The following LRRC4C variants were observed in gnomAD, a reference collection of about 807,000 sequenced individuals.
LRRC4C encodes leucine rich repeat containing 4C.
A neutral mutation model predicts 33.6 loss-of-function variants in LRRC4C; 5 were observed. The ratio of observed to expected loss-of-function variants is 0.15; its 90% CI spans 0.08 to 0.31. LRRC4C has a LOEUF of 0.31. Among genes scored for constraint, LRRC4C ranks in the 10% least tolerant of loss-of-function variants. LRRC4C has a pLI of 1.00. For synonymous variants in LRRC4C, 329 were observed against 302.0 expected (o/e 1.09, Z -0.93); for missense variants, 560 against 796.7 (o/e 0.70, Z 3.58).
intron 3 of LRRC4C, among the ~76,000 whole-genome samples, chr11:40,382,949 T>A (rs1948949654): frequency 6.6e-6 from 1 of 152,038 alleles, no homozygotes; most frequent in Admixed American, 6.6e-5. Flanking sequence ...TGCCTCGGCC[T>A]CCCAAAGTAC....
intron 3 of LRRC4C, among the ~76,000 whole-genome samples, chr11:40,641,659 A>C (rs1460651915): frequency 2.0e-5 from 3 of 152,126 alleles, no homozygotes; most frequent in African/African-American, 7.2e-5. Context: ...CTGCTTTCTC[A>C]GCAATCCCCT....
chr11:40,849,492 G>T (rs1385097148), intron 2 of LRRC4C, among the ~76,000 whole-genome samples: 4 of 152,158 alleles, frequency 2.6e-5, no homozygotes, highest in Admixed American at 2.0e-4. Flanking sequence ...GGCTTGCAGG[G>T]TTTCTGCAGA....
chr11:41,032,082 A>C (rs1590297769), intron 1 of LRRC4C, among the ~76,000 whole-genome samples: 1 of 152,044 alleles, frequency 6.6e-6, no homozygotes, highest in East Asian at 1.9e-4. Flanking sequence ...GAAGGAAAAA[A>C]TAACCTGGGC....
intron 5 of LRRC4C, among the ~76,000 whole-genome samples, chr11:40,167,745 T>G (rs1859715230): frequency 6.6e-6 from 1 of 152,036 alleles, no homozygotes; most frequent in Non-Finnish European, 1.5e-5. Flanking sequence ...GTAGGGCCAT[T>G]TCACTTCAAA....
intron 1 of LRRC4C, among the ~76,000 whole-genome samples, chr11:41,218,275 C>A (rs544596830): frequency 6.6e-6 from 1 of 152,252 alleles, no homozygotes; most frequent in South Asian, 2.1e-4. Flanking sequence ...GTATGTTCAA[C>A]TTACTTTACT....
At chr11:41,430,745 TA>T (rs1370679827) in intron 1 of LRRC4C, among the ~76,000 whole-genome samples, 1 of 152,156 alleles carries the variant, frequency 6.6e-6, no homozygotes, top group East Asian at 1.9e-4. Flanking sequence ...TACGTTAATT[TA>T]AAAATATGTT....
At position 40,217,895 on chromosome 11, in the gene LRRC4C, G is replaced by C. The variant is rs182937641; in HGVS notation, c.-96+23624C>G. Among the ~76,000 whole-genome samples, 24 of 152,198 alleles carry C rather than the reference G, an allele frequency of 1.6e-4. No individual in the cohort carries two copies. In the East Asian group the frequency reaches 3.5e-3, roughly 22 times the overall value. ...TTGAAGTTTAATTGAAAAAACTACA[G>C]CCTTGCTTAAACATTTTCTTGATTA... is the stretch of plus-strand genomic sequence containing the variant. On this transcript the variant is annotated intron_variant, in intron 5 of 6. Transcript: ENST00000528697.
intron 2 of LRRC4C, among the ~76,000 whole-genome samples, chr11:40,658,902 G>A (rs918578515): frequency 6.6e-6 from 1 of 152,218 alleles, no homozygotes; most frequent in Non-Finnish European, 1.5e-5. Flanking sequence ...GATGCCGGCT[G>A]CAGCAGGGGA....
At chr11:40,316,398 G>T (rs1458843902) in intron 4 of LRRC4C, among the ~76,000 whole-genome samples, 2 of 152,024 alleles carry the variant, frequency 1.3e-5, no homozygotes, top group African/African-American at 4.8e-5. Context: ...GTTCCAATCT[G>T]TTGCTTTGTC....
intron 1 of LRRC4C, among the ~76,000 whole-genome samples, chr11:41,218,063 C>CA (rs1302468745): frequency 6.6e-6 from 1 of 151,666 alleles, no homozygotes; most frequent in African/African-American, 2.4e-5. Flanking sequence ...TAGGTCTACA[C>CA]ATACGGCATG....
chr11:40,219,743 G>T (rs375624566), intron 5 of LRRC4C, among the ~76,000 whole-genome samples: 1 of 151,660 alleles, frequency 6.6e-6, no homozygotes, highest in African/African-American at 2.4e-5. Context: ...GAAGAAATTG[G>T]GGGGGTGGAT....
intron 2 of LRRC4C, among the ~76,000 whole-genome samples, chr11:40,709,857 T>A (rs1946371943): frequency 6.6e-6 from 1 of 152,192 alleles, no homozygotes; most frequent in Non-Finnish European, 1.5e-5. Context: ...TTTCACATAG[T>A]CCCATATTTC....
intron 1 of LRRC4C, among the ~76,000 whole-genome samples, chr11:41,081,753 G>A (rs1256509756): frequency 6.6e-6 from 1 of 151,962 alleles, no homozygotes; most frequent in East Asian, 1.9e-4. Flanking sequence ...ACACAGACAA[G>A]CATACCATAG....
At position 40,490,877 on chromosome 11, in the gene LRRC4C, T is replaced by C. The variant is rs146300444; in HGVS notation, c.-270+157265A>G. Among the ~76,000 whole-genome samples the C allele has an allele frequency of 9.5e-3, 1,453 of 152,268 alleles. 22 individuals carry two copies. The highest frequency in any genetic ancestry group is 0.03 in the African/African-American group (1,227 of 41,556). ...TCTAGGAGAAAGCTCATAAAGAGTA[T>C]CATTTTCTTTCTGACATATGGATTA... On this transcript the variant is annotated intron_variant, in intron 3 of 6. Transcript: ENST00000528697.
intron 3 of LRRC4C, among the ~76,000 whole-genome samples, chr11:40,641,835 C>T (rs1010443219): frequency 3.3e-5 from 5 of 152,136 alleles, no homozygotes; most frequent in South Asian, 4.1e-4. Context: ...CCTGTCAAGG[C>T]GTTTTTATAT....
rs536694882 is a variant in LRRC4C at position 40,367,381 on chromosome 11, C to A, written c.-269-47660G>T. On this transcript the variant is annotated intron_variant, in intron 3 of 6. Coordinates refer to ENST00000528697, the MANE Select transcript of LRRC4C (RefSeq NM_001258419.2). ...GATGGAAACATTTCCAGTTGTTAAT[C>A]CACTTACAGATTACACAAGAAAAAG... Among the ~76,000 whole-genome samples the A allele has an allele frequency of 2.6e-5, 4 of 152,164 alleles. 1 individual carries two copies. The East Asian group carries it at 7.7e-4, about 29-fold the overall frequency.
intron 2 of LRRC4C, among the ~76,000 whole-genome samples, chr11:40,693,331 A>G (rs1945318383): frequency 6.6e-6 from 1 of 152,164 alleles, no homozygotes; most frequent in South Asian, 2.1e-4. Context: ...ATAGCCATAT[A>G]TAATGATTAG....
intron 3 of LRRC4C, among the ~76,000 whole-genome samples, chr11:40,518,722 T>G (rs1590981156): frequency 6.6e-6 from 1 of 152,088 alleles, no homozygotes; most frequent in South Asian, 2.1e-4. Context: ...ACTAGAAATA[T>G]CATTTGACCC....
intron 1 of LRRC4C, among the ~76,000 whole-genome samples, chr11:41,187,669 G>T (rs1945756339): frequency 6.6e-6 from 1 of 152,170 alleles, no homozygotes; most frequent in South Asian, 2.1e-4. Context: ...AGTAAGGCAG[G>T]GGTCTAATAG....
Sources: allele counts gnomAD v4.1 joint callset (sites outside exome capture counted in the v4.1 genomes callset), GRCh38; gene constraint gnomAD v4.1.1; transcripts MANE v1.5; gene names NCBI Gene and HGNC (gene_info 2026-07-23, HGNC 2026-07-21).